NINL: variants seen among roughly 807,000 people sequenced by gnomAD.
The protein encoded by NINL is ninein-like protein.
A neutral mutation model predicts 160.3 loss-of-function variants in NINL; 153 were observed. The observed-to-expected ratio is 0.95, with a 90% CI of 0.84 to 1.09. The LOEUF (loss-of-function observed/expected upper bound fraction) is 1.09, where lower values mean the gene tolerates loss of function less well. Ranked by LOEUF, NINL falls within the 50% of genes least tolerant of loss-of-function variation. The pLI is 0.00. For synonymous variants in NINL, 800 were observed against 734.8 expected, an observed-to-expected ratio of 1.09 and a Z score of -1.43; for missense variants, 1,829 against 1,764.0, an observed-to-expected ratio of 1.04 and a Z score of -0.66.
rs2146971440 is a variant in NINL at position 25,528,302 on chromosome 20, G to A, written c.-11-1704C>T. Among the ~76,000 whole-genome samples, 2 of 152,228 alleles carry A rather than the reference G, an allele frequency of 1.3e-5. 1 individual carries two copies. The highest frequency in any genetic ancestry group is 4.1e-4 in the South Asian group (2 of 4,822). The stretch of plus-strand genomic sequence containing the variant: ...TCCTGCTGCGGCCTCCCAAAGTGCT[G>A]GGATTACAAGGTGTAAGCCACTGCA... On this transcript the variant is annotated intron_variant, in intron 1 of 23. Transcript: ENST00000278886.
chr20:25,510,931 C>T (rs2064058615), intron 4 of NINL, among the ~76,000 whole-genome samples, 191 bp from the exon 5 acceptor site: 1 of 152,188 alleles, frequency 6.6e-6, no homozygotes, highest in Non-Finnish European at 1.5e-5. Context: ...AGGTGAGCCC[C>T]GCCTAGCAGC....
At chr20:25,538,169 G>A (rs192588154) in intron 1 of NINL, among the ~76,000 whole-genome samples, 90 of 152,290 alleles carry the variant, frequency 5.9e-4, no homozygotes, top group Non-Finnish European at 1.0e-3. Flanking sequence ...AGGCATAGGC[G>A]TGGCCTGTGC....
chr20:25,485,501 A>G (rs1226936893), intron 13 of NINL, among the ~76,000 whole-genome samples: 1 of 152,268 alleles, frequency 6.6e-6, no homozygotes, highest in Non-Finnish European at 1.5e-5. Context: ...GTGAAGGGTC[A>G]GGATGTGCAT....
chr20:25,577,914 T>C (rs1328808154), intron 1 of NINL, among the ~76,000 whole-genome samples: 4 of 151,196 alleles, frequency 2.6e-5, no homozygotes, highest in African/African-American at 9.7e-5. Flanking sequence ...CTCACTGCAA[T>C]CTCCACCTCG....
At chr20:25,459,508 A>T (rs2090782060) in intron 21 of NINL, among the ~76,000 whole-genome samples, 1 of 152,150 alleles carries the variant, frequency 6.6e-6, no homozygotes, top group Non-Finnish European at 1.5e-5. Context: ...TCTAAATAGC[A>T]TCTCCACCAA....
intron 1 of NINL, among the ~76,000 whole-genome samples, chr20:25,554,747 A>C (rs2064848365): frequency 6.6e-6 from 1 of 151,996 alleles, no homozygotes; most frequent in Non-Finnish European, 1.5e-5. Flanking sequence ...GTCAAGGCTG[A>C]AGTAAGCTGT....
chr20:25,559,300 G>A (rs2064905313), intron 1 of NINL, among the ~76,000 whole-genome samples: 1 of 152,120 alleles, frequency 6.6e-6, no homozygotes, highest in Admixed American at 6.5e-5. Flanking sequence ...GAGTGCAGTG[G>A]CGCGATCTCG....
chr20:25,494,973 G>A (rs560468618), intron 10 of NINL, among the ~76,000 whole-genome samples: 31 of 152,172 alleles, frequency 2.0e-4, no homozygotes, highest in Non-Finnish European at 3.5e-4. Flanking sequence ...TCACTGCTGC[G>A]GGACTGGGCC....
At chr20:25,489,801 G>A (rs2063583149) in intron 12 of NINL, 74 bp downstream of exon 12, 2 of 1,251,830 alleles carry the variant, frequency 1.6e-6, no homozygotes, top group African/African-American at 1.5e-5. Flanking sequence ...ATCTCTCCCT[G>A]GCCACCCCCG....
intron 1 of NINL, among the ~76,000 whole-genome samples, chr20:25,548,929 A>G (rs941292849): frequency 2.1e-5 from 3 of 145,344 alleles, no homozygotes; most frequent in Non-Finnish European, 4.5e-5. Context: ...CCACGGCCAC[A>G]CCTCCCACAC....
At chr20:25,556,968 CA>C (rs372643660) in intron 1 of NINL, among the ~76,000 whole-genome samples, 27 of 152,228 alleles carry the variant, frequency 1.8e-4, no homozygotes, top group African/African-American at 5.5e-4. Flanking sequence ...GGGAGTTTCC[CA>C]CCTCCACAGC....
At chr20:25,575,752 A>C (rs1482702905) in intron 1 of NINL, among the ~76,000 whole-genome samples, 1 of 118,394 alleles carries the variant, frequency 8.4e-6, no homozygotes, top group African/African-American at 3.5e-5. Flanking sequence ...TCTCAAAAAA[A>C]ACACAAAACA....
chr20:25,557,371 A>C (rs1239323238), intron 1 of NINL, among the ~76,000 whole-genome samples: 1 of 152,028 alleles, frequency 6.6e-6, no homozygotes, highest in East Asian at 1.9e-4. Context: ...TCTCTACTAA[A>C]AATGCCCAAA....
At chr20:25,465,161 A>T (rs915235988) in intron 19 of NINL, among the ~76,000 whole-genome samples, 3 of 152,160 alleles carry the variant, frequency 2.0e-5, no homozygotes, top group African/African-American at 7.2e-5. Context: ...GTGACATACG[A>T]CCAGAGTAGC....
chr20:25,575,590 A>C (rs1224711476), intron 1 of NINL, among the ~76,000 whole-genome samples: 1 of 152,042 alleles, frequency 6.6e-6, no homozygotes, highest in East Asian at 1.9e-4. Context: ...GTCTCTACTA[A>C]AAAGTAAAAA....
intron 17 of NINL, among the ~76,000 whole-genome samples, chr20:25,471,027 G>GT (rs1280122684): frequency 7.2e-5 from 11 of 151,868 alleles, no homozygotes; most frequent in African/African-American, 2.4e-4. Context: ...GTATTTTTTT[G>GT]TTTTTTCTTT....
At position 25,500,949 on chromosome 20, in the gene NINL, C is replaced by A; in HGVS notation, c.923G>T (p.Ser308Ile). The change falls in exon 8 of 24, where the codon AGC becomes ATC. Residue 308 changes from serine (S) to isoleucine (I), a missense_variant. By Grantham distance (142) the Ser-to-Ile change is moderately radical. Coordinates refer to ENST00000278886, the MANE Select transcript of NINL (RefSeq NM_025176.6). The stretch of plus-strand genomic sequence containing the variant: ...GTCAATGCTGGAGAAGAGGCGCAGG[C>A]TGGAGCACAGGGACACGAGGGATGA... ...TTSSLVSLCS[S>I]LRLFSSIDDG... The A allele has an allele frequency of 6.2e-7, 1 of 1,614,228 alleles. No individual in the cohort carries two copies.
intron 1 of NINL, among the ~76,000 whole-genome samples, chr20:25,546,285 G>A (rs774199627): frequency 1.2e-4 from 19 of 152,082 alleles, no homozygotes; most frequent in Non-Finnish European, 2.8e-4. Context: ...GTTTCCCCCA[G>A]GTGGATTCTG....
chr20:25,500,795 C>T (rs1399491624), intron 8 of NINL, 45 bp downstream of exon 8: 2 of 1,583,490 alleles, frequency 1.3e-6, no homozygotes, highest in Non-Finnish European at 1.7e-6. Flanking sequence ...AGCAGACGGG[C>T]CCCCCAGGTC....
Sources: allele counts gnomAD v4.1 joint callset (sites outside exome capture counted in the v4.1 genomes callset), GRCh38; gene constraint gnomAD v4.1.1; transcripts MANE v1.5; gene names NCBI Gene and HGNC (gene_info 2026-07-23, HGNC 2026-07-21).